DENND5B: variants seen among roughly 807,000 people sequenced by gnomAD.
DENND5B encodes the protein DENN domain-containing protein 5B.
A neutral mutation model predicts 140.6 loss-of-function variants in DENND5B; 34 were observed. The observed-to-expected ratio is 0.24, with a 90% CI of 0.18 to 0.32. The LOEUF (loss-of-function observed/expected upper bound fraction) is 0.32, where lower values mean the gene tolerates loss of function less well. Among genes scored for constraint, DENND5B ranks in the 10% least tolerant of loss-of-function variants. The probability of loss-of-function intolerance (pLI) is 1.00; values close to 1 mark genes in which losing one functional copy is unlikely to be tolerated. For synonymous variants in DENND5B, 551 were observed against 562.1 expected (o/e 0.98, Z 0.28); for missense variants, 1,142 against 1,560.2 (o/e 0.73, Z 4.52).
intron 3 of DENND5B, among the ~76,000 whole-genome samples, chr12:31,479,018 C>T (rs1270079702): frequency 6.6e-6 from 1 of 152,144 alleles, no homozygotes; most frequent in South Asian, 2.1e-4. Flanking sequence ...CACACACACA[C>T]ACAACTCTGG....
intron 1 of DENND5B, among the ~76,000 whole-genome samples, chr12:31,552,073 T>C (rs1361081344): frequency 2.0e-5 from 3 of 152,174 alleles, no homozygotes; most frequent in Admixed American, 6.5e-5. Flanking sequence ...TCCTGCCTGA[T>C]TGCCCTGGCC....
At chr12:31,482,943 C>A (rs1158967023) in intron 2 of DENND5B, among the ~76,000 whole-genome samples, 3 of 152,232 alleles carry the variant, frequency 2.0e-5, no homozygotes, top group Admixed American at 6.5e-5. Context: ...GGAAGCCCTG[C>A]ATGACTCAGC....
intron 1 of DENND5B, among the ~76,000 whole-genome samples, chr12:31,551,314 T>A (rs1285320507): frequency 2.6e-5 from 4 of 152,186 alleles, no homozygotes; most frequent in African/African-American, 9.6e-5. Context: ...ATTTATTAAA[T>A]AGGGAATCCT....
At chr12:31,521,000 C>T (rs2139000658) in intron 1 of DENND5B, among the ~76,000 whole-genome samples, 1 of 152,200 alleles carries the variant, frequency 6.6e-6, no homozygotes, top group South Asian at 2.1e-4. Flanking sequence ...TTTACATCTA[C>T]AGCTCATTTC....
At chr12:31,463,030 A>C (rs1014805206) in intron 3 of DENND5B, among the ~76,000 whole-genome samples, 1 of 152,216 alleles carries the variant, frequency 6.6e-6, no homozygotes, top group Non-Finnish European at 1.5e-5. Context: ...TGGGAGGCCA[A>C]GGCAGGAGAA....
At chr12:31,438,292 G>A (rs1943869034) in intron 7 of DENND5B, among the ~76,000 whole-genome samples, 1 of 152,170 alleles carries the variant, frequency 6.6e-6, no homozygotes, top group East Asian at 1.9e-4. Context: ...GATTTTTAAA[G>A]AGCAAATATT....
intron 11 of DENND5B, among the ~76,000 whole-genome samples, chr12:31,423,034 G>A (rs1051171166): frequency 5.3e-5 from 8 of 150,702 alleles, no homozygotes; most frequent in Non-Finnish European, 7.4e-5. Flanking sequence ...TTTGCCTCCC[G>A]GGTTCAAGCG....
rs371412276 is a variant in DENND5B, at chr12:31,481,692, GA to G, written c.238-1438del. Among the ~76,000 whole-genome samples, 413 of 152,290 alleles carry G rather than the reference GA, an allele frequency of 2.7e-3. 4 individuals are homozygous for G. The highest frequency in any genetic ancestry group is 9.4e-3 in the African/African-American group (392 of 41,554). On this transcript the variant is annotated intron_variant, in intron 2 of 20. Coordinates refer to ENST00000389082, the MANE Select transcript of DENND5B (RefSeq NM_144973.4). The stretch of plus-strand genomic sequence containing the variant: ...GAATGCAAGGTGGGAGGACGTGAGA[GA>G]AAGCAAGAGAAATAATCAGGGGCTA...
At chr12:31,532,628 T>C (rs145826929) in intron 1 of DENND5B, among the ~76,000 whole-genome samples, 7 of 152,170 alleles carry the variant, frequency 4.6e-5, no homozygotes, top group Non-Finnish European at 1.0e-4. Context: ...GCAGGTAGAT[T>C]TGAGACCTAT....
chr12:31,552,904 G>T (rs1385151502), intron 1 of DENND5B, among the ~76,000 whole-genome samples: 1 of 152,104 alleles, frequency 6.6e-6, no homozygotes, highest in Non-Finnish European at 1.5e-5. Flanking sequence ...TGTGGGATCG[G>T]TGGTGATATC....
intron 1 of DENND5B, among the ~76,000 whole-genome samples, chr12:31,567,526 A>T (rs865780703): frequency 4.6e-4 from 2 of 4,356 alleles, no homozygotes; most frequent in African/African-American, 9.2e-4. Flanking sequence ...GACTCTGTCT[A>T]AAAAAAAAAA....
chr12:31,473,575 G>C (rs954030375), intron 3 of DENND5B, among the ~76,000 whole-genome samples: 1 of 152,162 alleles, frequency 6.6e-6, no homozygotes, highest in Admixed American at 6.5e-5. Flanking sequence ...TGTGGGCTAG[G>C]GCTTATGTCG....
At chr12:31,501,424 C>G (rs78875214) in intron 1 of DENND5B, among the ~76,000 whole-genome samples, 1,729 of 152,286 alleles carry the variant, frequency 0.011, 19 homozygotes, top group East Asian at 0.031. Context: ...TCAAGTCTAT[C>G]TTTATTAGCA....
chr12:31,513,901 A>C (rs750382707), intron 1 of DENND5B, among the ~76,000 whole-genome samples: 1 of 151,564 alleles, frequency 6.6e-6, no homozygotes, highest in Non-Finnish European at 1.5e-5. Context: ...GCAGTAGCAC[A>C]ATCATTGTTC....
At chr12:31,431,596 C>G (rs1943513826) in intron 8 of DENND5B, among the ~76,000 whole-genome samples, 1 of 152,096 alleles carries the variant, frequency 6.6e-6, no homozygotes, top group African/African-American at 2.4e-5. Flanking sequence ...ACTGAATTTT[C>G]TGACCACATA....
In DENND5B at chr12:31,433,219, T is replaced by C. The variant is rs1356592045; in HGVS notation, c.2042A>G (p.Gln681Arg). The change falls in exon 8 of 21, where the codon CAG (glutamine) becomes CGG (arginine). Residue 681 changes from glutamine (Q) to arginine (R), a missense_variant. Around this residue, in one of 5 missense-constraint regions of DENND5B, gnomAD observed 708 missense variants for 905.5 expected, o/e 0.78. Coordinates refer to ENST00000389082, the MANE Select transcript of DENND5B (RefSeq NM_144973.4). ...NRWVSRSATA[Q>R]RRKERLRQHS... ...CTGGCGAAGGCGTTCTTTCCTGCGCTGTGCAGTGGCACTCCGACTTACCCA... is the reference window on the plus strand; with the variant it reads ...CTGGCGAAGGCGTTCTTTCCTGCGCCGTGCAGTGGCACTCCGACTTACCCA... 1 of 1,612,874 alleles carries C rather than the reference T, an allele frequency of 6.2e-7. No homozygotes were observed. The highest frequency in any genetic ancestry group is 1.1e-5 in the South Asian group (1 of 90,782).
rs1262648014 is a variant in DENND5B, at chr12:31,424,716, AC to A, written c.2239-30del. 4 of 1,601,528 alleles carry A rather than the reference AC, an allele frequency of 2.5e-6. No individual in the cohort carries two copies. In the East Asian group the frequency reaches 9.0e-5, roughly 36 times the overall value. On this transcript the variant is annotated intron_variant, in intron 9 of 20. Transcript: ENST00000389082. ...AGAATATCACGTGTAGTCATAAGGC[AC>A]CCCAGCAGTGAAACCAAAAACCAAC...
chr12:31,428,897 A>AC (rs1210031296), intron 8 of DENND5B, among the ~76,000 whole-genome samples: 1 of 151,374 alleles, frequency 6.6e-6, no homozygotes, highest in Non-Finnish European at 1.5e-5. Flanking sequence ...ACACCCGGCT[A>AC]TTTTTTTGTA....
At chr12:31,432,444 A>G (rs1264396593) in intron 8 of DENND5B, 1 of 152,098 alleles carries the variant, frequency 6.6e-6, no homozygotes, top group Non-Finnish European at 1.5e-5. Flanking sequence ...AAGTCTTCTG[A>G]TTGCATTTCT....
Sources: gnomAD v4.1 joint callset for allele counts (sites outside exome capture counted in the v4.1 genomes callset) on GRCh38, gnomAD v4.1.1 for gene constraint, gnomAD v4.1.1 regional missense constraint, MANE v1.5 for transcripts, NCBI Gene and HGNC (gene_info 2026-07-23, HGNC 2026-07-21) for gene names.